Variants in BCAS4 observed in about 807,000 individuals in gnomAD.
The protein encoded by BCAS4 is breast carcinoma amplified sequence 4.
BCAS4 carries 9 observed loss-of-function variants against 15.7 expected under a neutral mutation model. The observed-to-expected ratio is 0.57, with a 90% CI of 0.34 to 1.00. BCAS4 has a LOEUF of 1.00. Ranked by LOEUF, BCAS4 falls within the 50% of genes least tolerant of loss-of-function variation. BCAS4 has a pLI of 0.02. For missense variants in BCAS4, 225 were observed against 239.1 expected, an observed-to-expected ratio of 0.94 and a Z score of 0.39; for synonymous variants, 101 against 99.5, an observed-to-expected ratio of 1.02 and a Z score of -0.09.
At chr20:50,826,142 TA>T (rs1326827430) in intron 2 of BCAS4, among the ~76,000 whole-genome samples, 1 of 152,230 alleles carries the variant, frequency 6.6e-6, no homozygotes, top group Non-Finnish European at 1.5e-5. Context: ...TGGAATTAAT[TA>T]TCTGCTCTTT....
At chr20:50,843,894 AG>A (rs773592265) in intron 4 of BCAS4, among the ~76,000 whole-genome samples, 1 of 152,208 alleles carries the variant, frequency 6.6e-6, no homozygotes, top group Non-Finnish European at 1.5e-5. Context: ...TTGTAATACC[AG>A]CACTTTGGGA....
chr20:50,876,572 A>G lies in BCAS4; in HGVS notation c.486A>G (p.Ala162=). The stretch of plus-strand genomic sequence containing the variant: ...ATTTTCCTGTGGACGCCGGGGAAGC[A>G]CAGCACCACCCCCGCACCTGCCCTC... ...EDYFPVDAGE[A]QHHPRTCPRP... Residue 162 remains alanine (A), a synonymous_variant, in exon 5 of 5, where the codon GCA becomes GCG. Transcript: ENST00000371608. 1 of 1,614,142 alleles carries G rather than the reference A, an allele frequency of 6.2e-7. No homozygotes were observed. The highest frequency in any genetic ancestry group is 1.7e-5 in the Admixed American group (1 of 60,022).
At chr20:50,810,687 T>G (rs1407117649) in intron 1 of BCAS4, among the ~76,000 whole-genome samples, 1 of 150,566 alleles carries the variant, frequency 6.6e-6, no homozygotes, top group African/African-American at 2.4e-5. Context: ...GCTTCCTGGG[T>G]TCACGCCGTT....
At chr20:50,841,118 C>T (rs1293664317) in intron 3 of BCAS4, among the ~76,000 whole-genome samples, 1 of 152,212 alleles carries the variant, frequency 6.6e-6, no homozygotes, top group Non-Finnish European at 1.5e-5. Context: ...GCGTGAGCCA[C>T]CGCACCCCTT....
chr20:50,839,750 C>T (rs1443806266), intron 3 of BCAS4, among the ~76,000 whole-genome samples: 1 of 152,196 alleles, frequency 6.6e-6, no homozygotes, highest in African/African-American at 2.4e-5. Flanking sequence ...AAGTGATCAG[C>T]CTGCCTTGGC....
chr20:50,810,593 T>G (rs954582491), intron 1 of BCAS4, among the ~76,000 whole-genome samples: 4 of 150,490 alleles, frequency 2.7e-5, no homozygotes, highest in Non-Finnish European at 5.9e-5. Flanking sequence ...TTTTGTGTTT[T>G]TTTTTTTTTT....
chr20:50,842,830 G>A (rs2088501927), intron 4 of BCAS4, among the ~76,000 whole-genome samples: 1 of 152,230 alleles, frequency 6.6e-6, no homozygotes, highest in Non-Finnish European at 1.5e-5. Context: ...CCCCTTCACA[G>A]GAAAGGTGTC....
intron 4 of BCAS4, among the ~76,000 whole-genome samples, chr20:50,863,248 C>CTTTTTTTTT (rs1054175958): frequency 1.2e-5 from 1 of 86,096 alleles, no homozygotes; most frequent in African/African-American, 5.5e-5. Flanking sequence ...CTAACTGGTG[C>CTTTTTTTTT]TTTTTTTTTT....
At chr20:50,811,417 A>G (rs542277485) in intron 1 of BCAS4, among the ~76,000 whole-genome samples, 11 of 152,288 alleles carry the variant, frequency 7.2e-5, no homozygotes, top group Non-Finnish European at 1.5e-4. Flanking sequence ...ATTTTAAAGT[A>G]TATAGTTTGT....
chr20:50,815,167 G>A (rs1292791781), intron 1 of BCAS4, among the ~76,000 whole-genome samples: 1 of 152,160 alleles, frequency 6.6e-6, no homozygotes, highest in Non-Finnish European at 1.5e-5. Flanking sequence ...CTGCATGGCT[G>A]GCAGAGGGTA....
intron 1 of BCAS4, among the ~76,000 whole-genome samples, chr20:50,817,037 G>A (rs2088148356): frequency 6.6e-6 from 1 of 151,334 alleles, no homozygotes; most frequent in Middle Eastern, 3.4e-3. Flanking sequence ...TCCTGACCTC[G>A]TGATCTGCCC....
chr20:50,823,985 T>A (rs1267303684), intron 2 of BCAS4, among the ~76,000 whole-genome samples: 1 of 152,096 alleles, frequency 6.6e-6, no homozygotes, highest in Non-Finnish European at 1.5e-5. Context: ...TATTTATTAA[T>A]AATTTTTATT....
intron 4 of BCAS4, among the ~76,000 whole-genome samples, chr20:50,849,460 C>T (rs2088583983): frequency 6.6e-6 from 1 of 152,188 alleles, no homozygotes. Context: ...GGCAGAGGGG[C>T]TGGAGGGGAG....
chr20:50,859,605 C>T (rs6020798), intron 4 of BCAS4, among the ~76,000 whole-genome samples: 67,689 of 151,862 alleles, frequency 0.45, 18,122 homozygotes, highest in African/African-American at 0.77. Context: ...GGCTCTGAGA[C>T]CTGCTCAGCC....
At chr20:50,871,656 G>A (rs1483246255) in intron 4 of BCAS4, among the ~76,000 whole-genome samples, 1 of 152,242 alleles carries the variant, frequency 6.6e-6, no homozygotes, top group Non-Finnish European at 1.5e-5. Flanking sequence ...AAGTGATATT[G>A]GCAGGACTCT....
intron 4 of BCAS4, among the ~76,000 whole-genome samples, chr20:50,861,278 A>G (rs1308858844): frequency 1.3e-5 from 2 of 152,138 alleles, no homozygotes; most frequent in Admixed American, 1.3e-4. Context: ...TGAGGGGCTG[A>G]CCAGCTGCAG....
At chr20:50,870,560 A>AG (rs1979586978) in intron 4 of BCAS4, among the ~76,000 whole-genome samples, 1 of 152,204 alleles carries the variant, frequency 6.6e-6, no homozygotes, top group Non-Finnish European at 1.5e-5. Flanking sequence ...AGCAGGTTAC[A>AG]GGAACCGTGG....
chr20:50,876,617 G>A lies in BCAS4; in HGVS notation c.*9G>A, dbSNP rs745731846. ...GCCCTCGGCCTTTGTGAGCTTTGTG[G>A]TCTTCCCATCAGGAACGCTGGAAAG... On this transcript the variant is annotated 3_prime_UTR_variant, in exon 5 of 5. Transcript: ENST00000371608. 1.6e-5 allele frequency: 26 copies of A among 1,613,668 alleles called. No individual in the cohort carries two copies. Among genetic ancestry groups the A allele is most frequent in the Non-Finnish European group, 2.1e-5 (25 of 1,179,838 alleles).
intron 4 of BCAS4, among the ~76,000 whole-genome samples, chr20:50,852,879 C>T (rs982130237): frequency 1.3e-5 from 2 of 152,158 alleles, no homozygotes; most frequent in Non-Finnish European, 2.9e-5. Context: ...GGGTACCCAC[C>T]TCTCCCTGCC....
Sources: gnomAD v4.1 joint callset for allele counts (sites outside exome capture counted in the v4.1 genomes callset) on GRCh38, gnomAD v4.1.1 for gene constraint, MANE v1.5 for transcripts, NCBI Gene and HGNC (gene_info 2026-07-23, HGNC 2026-07-21) for gene names.